The following DIAPH2 variants were observed in gnomAD, a reference collection of about 807,000 sequenced individuals.
DIAPH2 encodes the protein protein diaphanous homolog 2.
DIAPH2 carries 35 observed loss-of-function variants against 92.7 expected under a neutral mutation model. The ratio of observed to expected loss-of-function variants is 0.38; its 90% confidence interval spans 0.29 to 0.50. The LOEUF is 0.50. Among genes scored for constraint, DIAPH2 ranks in the 20% least tolerant of loss-of-function variants. The probability of loss-of-function intolerance (pLI) is 0.94; values close to 1 mark genes in which losing one functional copy is unlikely to be tolerated. For missense variants in DIAPH2, 701 were observed against 819.5 expected, an observed-to-expected ratio of 0.86 and a Z score of 1.77; for synonymous variants, 301 against 280.4, an observed-to-expected ratio of 1.07 and a Z score of -0.73.
chrX:96,715,676 A>G lies in DIAPH2; in HGVS notation c.133-20082A>G, dbSNP rs1339817775. ...ATCTTTATTTCTATTTTAAGCTTCA[A>G]TGACCTAGACTAGAGTATTTTACAA... is the stretch of plus-strand genomic sequence containing the variant. On this transcript the variant is annotated intron_variant, in intron 1 of 26. Coordinates refer to ENST00000324765, the MANE Select transcript of DIAPH2 (RefSeq NM_006729.5). Among the ~76,000 whole-genome samples the G allele has an allele frequency of 3.6e-5, 4 of 111,408 alleles. 1 individual carries two copies. Among genetic ancestry groups the G allele is most frequent in the African/African-American group, 1.3e-4 (4 of 30,662 alleles).
chrX:97,303,128 C>T lies in DIAPH2; in HGVS notation c.2845-44988C>T, dbSNP rs1263583006. Among the ~76,000 whole-genome samples the T allele has an allele frequency of 3.6e-5, 4 of 112,568 alleles. No individual in the cohort carries two copies. The Admixed American group carries it at 3.8e-4, about 11-fold the overall frequency. On this transcript the variant is annotated intron_variant, in intron 23 of 26. Transcript: ENST00000324765. ...TCATTATGGATTTGCATTTCTTTTA[C>T]TTTTTCTTTTCTTTTACTTTTCATT...
In DIAPH2 at chrX:96,685,025, G is replaced by C; in HGVS notation, c.-34G>C. On this transcript the variant is annotated 5_prime_UTR_variant, in exon 1 of 27. Coordinates refer to ENST00000324765, the MANE Select transcript of DIAPH2 (RefSeq NM_006729.5). ...TGCTTTCTCAGTTGAGGAGAGGTGGGGTTACAGGGCACAGGTGACAGGGCC... is the reference window on the plus strand; with the variant it reads ...TGCTTTCTCAGTTGAGGAGAGGTGGCGTTACAGGGCACAGGTGACAGGGCC... The C allele has an allele frequency of 3.1e-6, 3 of 974,157 alleles. No homozygotes were observed. Among genetic ancestry groups the C allele is most frequent in the Non-Finnish European group, 3.9e-6 (3 of 771,322 alleles). 80.3% of individuals were successfully genotyped at this position (974,157 alleles called of 1,213,427 possible). A position where few individuals can be genotyped will look rare whatever the true frequency, so the allele number is the denominator to read the frequency against.
At chrX:96,943,650 ATAAAC>A (rs2065720279) in intron 13 of DIAPH2, among the ~76,000 whole-genome samples, 1 of 105,356 alleles carries the variant, frequency 9.5e-6, no homozygotes, top group Admixed American at 9.8e-5. Flanking sequence ...CTCTCACATA[ATAAAC>A]TATAGTTTTT....
intron 22 of DIAPH2, among the ~76,000 whole-genome samples, chrX:97,211,880 A>G (rs1388840670): frequency 8.9e-6 from 1 of 111,825 alleles, no homozygotes; most frequent in Admixed American, 9.6e-5. Context: ...TACCTAATCA[A>G]ATTTGCAACT....
chrX:97,438,781 T>C (rs1277245699), intron 26 of DIAPH2, among the ~76,000 whole-genome samples: 2 of 111,593 alleles, frequency 1.8e-5, no homozygotes, highest in Non-Finnish European at 3.8e-5. Context: ...AAAAGATAAA[T>C]TGTGTCTCTT....
intron 22 of DIAPH2, among the ~76,000 whole-genome samples, chrX:97,246,595 T>A (rs894298084): frequency 8.9e-6 from 1 of 112,567 alleles, no homozygotes; most frequent in African/African-American, 3.2e-5. Flanking sequence ...GATGTGCCCA[T>A]CAACATGATG....
At chrX:97,410,862 GTAAA>G (rs1303692147) in intron 25 of DIAPH2, among the ~76,000 whole-genome samples, 1 of 111,845 alleles carries the variant, frequency 8.9e-6, no homozygotes, top group African/African-American at 3.3e-5. Context: ...AGAAAAAAGA[GTAAA>G]AAGAAATGAA....
At position 97,292,289 on chromosome X, in the gene DIAPH2, C is replaced by T. The variant is rs56981330; in HGVS notation, c.2844+44450C>T. On this transcript the variant is annotated intron_variant, in intron 23 of 26. Transcript: ENST00000324765. ...GCTCAAGCAGTCCTCCTGTGTCACC[C>T]TCCTAATATAGAAGCAATTTTTAAA... Among the ~76,000 whole-genome samples the T allele has an allele frequency of 4.5e-3, 500 of 110,596 alleles. 3 individuals are homozygous for T. Among genetic ancestry groups the T allele is most frequent in the African/African-American group, 0.014 (437 of 30,411 alleles).
chrX:96,861,102 G>A (rs233206), intron 4 of DIAPH2, among the ~76,000 whole-genome samples: 59,482 of 109,886 alleles, frequency 0.54, 12,980 homozygotes, highest in African/African-American at 0.82. Flanking sequence ...TTATTCTTTC[G>A]TTCTGAAATG....
At chrX:97,586,746 C>A (rs1228434487) in intron 26 of DIAPH2, among the ~76,000 whole-genome samples, 1 of 111,858 alleles carries the variant, frequency 8.9e-6, no homozygotes, top group Non-Finnish European at 1.9e-5. Context: ...AAGATGCTTC[C>A]CCTAAGGCTT....
chrX:97,352,496 G>T (rs935519534), intron 24 of DIAPH2, among the ~76,000 whole-genome samples: 1 of 110,104 alleles, frequency 9.1e-6, no homozygotes, highest in African/African-American at 3.3e-5. Context: ...TGGTATCAAG[G>T]TATATATAAT....
chrX:97,334,998 C>CAAAAAAAAAAAAAAAAAAA (rs746536131), intron 23 of DIAPH2, among the ~76,000 whole-genome samples: 5 of 31,445 alleles, frequency 1.6e-4, no homozygotes, highest in Non-Finnish European at 2.4e-4. Flanking sequence ...AAAAACAAAA[C>CAAAAAAAAAAAAAAAAAAA]AAAAAAAAAA....
rs147610267 is a variant in DIAPH2, at chrX:97,132,738, A to G, written c.2590-8927A>G. On this transcript the variant is annotated intron_variant, in intron 21 of 26. Coordinates refer to ENST00000324765, the MANE Select transcript of DIAPH2 (RefSeq NM_006729.5). ...CCATGATTAATGAAAATTTTCACTA[A>G]AAGAAATAAAGTTGAATTATATGAC... Among the ~76,000 whole-genome samples the G allele has an allele frequency of 6.2e-5, 7 of 112,186 alleles. No homozygotes were observed. The East Asian group carries it at 8.4e-4, about 13-fold the overall frequency.
chrX:97,416,130 C>T (rs2069943929), intron 25 of DIAPH2, among the ~76,000 whole-genome samples: 1 of 112,340 alleles, frequency 8.9e-6, no homozygotes, highest in Non-Finnish European at 1.9e-5. Context: ...GATTATTGAA[C>T]TGCCCTTAAG....
chrX:97,541,846 G>A (rs907650944), intron 26 of DIAPH2, among the ~76,000 whole-genome samples: 4 of 112,400 alleles, frequency 3.6e-5, no homozygotes, highest in Non-Finnish European at 7.5e-5. Flanking sequence ...CAAAAACAAA[G>A]ATAAACATCC....
At chrX:96,897,703 T>A (rs905409057) in intron 5 of DIAPH2, among the ~76,000 whole-genome samples, 3 of 110,236 alleles carry the variant, frequency 2.7e-5, no homozygotes, top group South Asian at 3.9e-4. Flanking sequence ...TAAAAAAAAT[T>A]TTTTTTCAAT....
rs148091457 is a variant in DIAPH2, at chrX:96,846,114, T to C, written c.448-35465T>C. Among the ~76,000 whole-genome samples, 226 of 104,090 alleles carry C rather than the reference T, an allele frequency of 2.2e-3. 7 individuals carry two copies. In the East Asian group the frequency reaches 0.056, roughly 26 times the overall value. 90.4% of individuals were successfully genotyped at this position (104,090 alleles called of 115,157 possible). ...CAGCTGCCTCCGGCCGAGCAATACA[T>C]TTCTTTGTGTCTCTGCATTAGCGTT... On this transcript the variant is annotated intron_variant, in intron 4 of 26. Coordinates refer to ENST00000324765, the MANE Select transcript of DIAPH2 (RefSeq NM_006729.5).
At chrX:97,119,888 C>A (rs2067043438) in intron 21 of DIAPH2, among the ~76,000 whole-genome samples, 1 of 111,909 alleles carries the variant, frequency 8.9e-6, no homozygotes, top group Admixed American at 9.4e-5. Flanking sequence ...GCCCCACTCC[C>A]ACCATGCCCC....
At chrX:96,919,850 T>G (rs1216021924) in intron 9 of DIAPH2, among the ~76,000 whole-genome samples, 4 of 105,001 alleles carry the variant, frequency 3.8e-5, no homozygotes, top group Admixed American at 1.0e-4. Context: ...ATGGTGTACT[T>G]TTATGTCAAA....
Sources: gnomAD v4.1 joint callset for allele counts (sites outside exome capture counted in the v4.1 genomes callset) on GRCh38, gnomAD v4.1.1 for gene constraint, MANE v1.5 for transcripts, NCBI Gene and HGNC (gene_info 2026-07-23, HGNC 2026-07-21) for gene names.